Variants in RALYL observed in about 807,000 individuals in gnomAD.
RALYL encodes RNA-binding Raly-like protein.
In RALYL, 29 loss-of-function variants were observed where a neutral mutation model predicts 35.1. The ratio of observed to expected loss-of-function variants is 0.83; its 90% CI spans 0.61 to 1.13. RALYL has a LOEUF of 1.13. Among genes scored for constraint, RALYL ranks in the 50% most tolerant of loss-of-function variants. The pLI is 0.00. For missense variants in RALYL, 359 were observed against 360.4 expected (o/e 1.00, Z 0.03); for synonymous variants, 120 against 127.6 (o/e 0.94, Z 0.40).
intron 1 of RALYL, among the ~76,000 whole-genome samples, chr8:84,300,858 T>G (rs937521109): frequency 6.6e-6 from 1 of 152,174 alleles, no homozygotes; most frequent in South Asian, 2.1e-4. Context: ...GCATACCTTT[T>G]AAGTGGGGGC....
intron 1 of RALYL, among the ~76,000 whole-genome samples, chr8:84,459,907 G>T (rs1182222299): frequency 1.3e-5 from 2 of 151,722 alleles, no homozygotes; most frequent in African/African-American, 4.8e-5. Context: ...TTCTTTGGAA[G>T]TTCATAGGAA....
At chr8:84,259,665 G>A (rs902973695) in intron 1 of RALYL, among the ~76,000 whole-genome samples, 4 of 152,094 alleles carry the variant, frequency 2.6e-5, no homozygotes, top group African/African-American at 9.7e-5. Context: ...GATTATGCTT[G>A]TATACAGCCT....
At chr8:84,239,759 T>C (rs1827439455) in intron 1 of RALYL, among the ~76,000 whole-genome samples, 1 of 151,936 alleles carries the variant, frequency 6.6e-6, no homozygotes, top group East Asian at 1.9e-4. Flanking sequence ...GACGTGGTGG[T>C]GTGTGCCTGT....
intron 2 of RALYL, among the ~76,000 whole-genome samples, chr8:84,538,291 A>G (rs763775872): frequency 6.6e-6 from 1 of 152,148 alleles, no homozygotes; most frequent in Non-Finnish European, 1.5e-5. Flanking sequence ...ATCATTGGAA[A>G]CTTCTGAGCA....
chr8:84,257,175 A>C (rs1024997035), intron 1 of RALYL, among the ~76,000 whole-genome samples: 4 of 151,822 alleles, frequency 2.6e-5, no homozygotes, highest in Admixed American at 2.0e-4. Context: ...ATTTTTTTTA[A>C]AGTTAATTTT....
chr8:84,207,818 G>T (rs1818414577), intron 1 of RALYL, among the ~76,000 whole-genome samples: 1 of 136,438 alleles, frequency 7.3e-6, no homozygotes, highest in Non-Finnish European at 1.6e-5. Context: ...GTGTGTGTGT[G>T]TGTATATATA....
At chr8:84,544,421 T>C (rs952817595) in intron 2 of RALYL, among the ~76,000 whole-genome samples, 1 of 152,044 alleles carries the variant, frequency 6.6e-6, no homozygotes. Context: ...CTTTTATCCA[T>C]GTCAGATTTT....
At chr8:84,621,674 G>T (rs1821533293) in intron 2 of RALYL, among the ~76,000 whole-genome samples, 1 of 152,132 alleles carries the variant, frequency 6.6e-6, no homozygotes, top group African/African-American at 2.4e-5. Context: ...CAATTTCTCT[G>T]CTTAAAAGGC....
intron 1 of RALYL, among the ~76,000 whole-genome samples, chr8:84,248,263 A>T (rs1193312855): frequency 6.6e-6 from 1 of 152,124 alleles, no homozygotes; most frequent in Non-Finnish European, 1.5e-5. Context: ...GTAGGCTTAC[A>T]GCCTGAACAA....
In RALYL at chr8:84,660,483, T is replaced by C. The variant is rs540188745; in HGVS notation, c.257-114096T>C. Among the ~76,000 whole-genome samples, 4 of 152,130 alleles carry C rather than the reference T, an allele frequency of 2.6e-5. No homozygotes were observed. The South Asian group carries it at 8.3e-4, about 32-fold the overall frequency. Reference sequence around the variant, plus strand: ...TAAATTTAATAATTCATTTAATTTATATTTTCCTATTTCAGTGTGTAGCAT... The same window carrying C: ...TAAATTTAATAATTCATTTAATTTACATTTTCCTATTTCAGTGTGTAGCAT... On this transcript the variant is annotated intron_variant, in intron 2 of 8. Transcript: ENST00000521268.
chr8:84,696,027 G>A (rs1007271153), intron 2 of RALYL, among the ~76,000 whole-genome samples: 3 of 151,676 alleles, frequency 2.0e-5, no homozygotes, highest in Non-Finnish European at 2.9e-5. Flanking sequence ...ACAGGATGAT[G>A]AATCACATGA....
At chr8:84,728,552 G>T (rs968146244) in intron 2 of RALYL, among the ~76,000 whole-genome samples, 3 of 151,980 alleles carry the variant, frequency 2.0e-5, no homozygotes, top group South Asian at 2.1e-4. Flanking sequence ...CCTTGCCCAT[G>T]CCTATGTCCT....
intron 1 of RALYL, among the ~76,000 whole-genome samples, chr8:84,388,877 T>A (rs1859901989): frequency 6.6e-6 from 1 of 152,192 alleles, no homozygotes; most frequent in Non-Finnish European, 1.5e-5. Context: ...TTGGCTTTTG[T>A]TGCCATTGCT....
At chr8:84,204,663 C>G (rs1817662505) in intron 1 of RALYL, among the ~76,000 whole-genome samples, 1 of 152,164 alleles carries the variant, frequency 6.6e-6, no homozygotes, top group Admixed American at 6.5e-5. Flanking sequence ...TTGCTCCTTT[C>G]TAATATTTGG....
chr8:84,703,914 G>A (rs912309253), intron 2 of RALYL, among the ~76,000 whole-genome samples: 8 of 152,100 alleles, frequency 5.3e-5, no homozygotes, highest in African/African-American at 1.9e-4. Flanking sequence ...CTTCATACCT[G>A]TGAATATGTA....
intron 1 of RALYL, among the ~76,000 whole-genome samples, chr8:84,244,932 A>C (rs1828753200): frequency 6.6e-6 from 1 of 152,164 alleles, no homozygotes. Flanking sequence ...TCAGAGACAA[A>C]AGACTTTATT....
rs1563580307 is a variant in RALYL, at chr8:84,234,773, T to TTTA, written c.-24+50351_-24+50352insATT. On this transcript the variant is annotated intron_variant, in intron 1 of 8. Transcript: ENST00000521268. ...CAAAATTTTATTTATTTATTTATTT[T>TTTA]TTTTTTTTTGAGATGGAGTCTCGCT... 8.6e-3 allele frequency among the ~76,000 whole-genome samples: 1,162 copies of TTTA among 134,584 alleles called. 18 individuals carry two copies. The highest frequency in any genetic ancestry group is 0.034 in the African/African-American group (1,081 of 32,052). The allele number at this position is 134,584 out of a possible 152,430, so 88.3% of individuals were successfully genotyped here.
intron 2 of RALYL, among the ~76,000 whole-genome samples, chr8:84,565,124 T>C (rs980376341): frequency 2.0e-5 from 3 of 151,596 alleles, no homozygotes; most frequent in African/African-American, 7.2e-5. Flanking sequence ...GACCAATGAA[T>C]GGAACAGTAT....
At chr8:84,288,572 C>A (rs1452579115) in intron 1 of RALYL, among the ~76,000 whole-genome samples, 2 of 152,176 alleles carry the variant, frequency 1.3e-5, no homozygotes, top group Middle Eastern at 3.4e-3. Context: ...CTTTTTTCTG[C>A]ATTTTTAGTT....
Sources: allele counts gnomAD v4.1 joint callset (sites outside exome capture counted in the v4.1 genomes callset), GRCh38; gene constraint gnomAD v4.1.1; transcripts MANE v1.5; gene names NCBI Gene and HGNC (gene_info 2026-07-23, HGNC 2026-07-21).